Variants in PRPF6 observed in about 807,000 individuals in gnomAD.
PRPF6 encodes the protein pre-mRNA-processing factor 6.
PRPF6 carries 42 observed loss-of-function variants against 118.3 expected under a neutral mutation model. That is an observed-to-expected ratio of 0.35 (90% confidence interval 0.28 to 0.46). PRPF6 has a LOEUF of 0.46. PRPF6 is among the 20% of genes least tolerant of loss of function. The pLI is 1.00. For synonymous variants in PRPF6, 481 were observed against 485.1 expected, an observed-to-expected ratio of 0.99 and a Z score of 0.11; for missense variants, 662 against 1,255.7, an observed-to-expected ratio of 0.53 and a Z score of 7.15.
chr20:64,001,263 C>T, intron 9 of PRPF6, 24 bp downstream of exon 9: 2 of 1,614,024 alleles, frequency 1.2e-6, no homozygotes, highest in Non-Finnish European at 1.7e-6. Flanking sequence ...GGAGGTGCTG[C>T]TTTCTCCCTC....
intron 19 of PRPF6, among the ~76,000 whole-genome samples, chr20:64,030,622 TG>T (rs2059310368): frequency 6.6e-6 from 1 of 152,084 alleles, no homozygotes; most frequent in Non-Finnish European, 1.5e-5. Context: ...CCTCCCAGAG[TG>T]ACTTCTGGGT....
intron 11 of PRPF6, among the ~76,000 whole-genome samples, chr20:64,014,845 G>A (rs1256243218): frequency 1.3e-5 from 2 of 152,144 alleles, no homozygotes; most frequent in African/African-American, 2.4e-5. Flanking sequence ...TACGATGAAA[G>A]TGAAAAACAG....
Position 64,029,585 on chromosome 20 carries a change from G to A in PRPF6, c.2546+94G>A. On this transcript the variant is annotated intron_variant, in intron 19 of 20. Coordinates refer to ENST00000266079, the MANE Select transcript of PRPF6 (RefSeq NM_012469.4). This position sits in a 1 kb window ranked among gnomAD's most constrained non-coding sequence, Gnocchi z 4.8. ...GCCTCTTCCTGGTCATTGTAAAGAT[G>A]CCCGGCAGCAGGGTGGGCTTCCCCG... The A allele has an allele frequency of 8.7e-7, 1 of 1,148,014 alleles. No individual in the cohort carries two copies. 71.1% of individuals were successfully genotyped at this position (1,148,014 alleles called of 1,614,324 possible). A position where few individuals can be genotyped will look rare whatever the true frequency, so the allele number is the denominator to read the frequency against.
chr20:64,027,051 G>A lies in PRPF6; in HGVS notation c.2098G>A (p.Glu700Lys). 2 of 1,614,084 alleles carry A rather than the reference G, an allele frequency of 1.2e-6. No homozygotes were observed. Among genetic ancestry groups the A allele is most frequent in the Non-Finnish European group, 1.7e-6 (2 of 1,180,028 alleles). The change falls in exon 16 of 21, where the codon GAG becomes AAG. Residue 700 changes from glutamate (E) to lysine (K), a missense_variant. Around this residue, in one of 10 missense-constraint regions of PRPF6, gnomAD observed 244 missense variants for 383.7 expected, o/e 0.64. Transcript: ENST00000266079. The surrounding 1 kb of genome is among the most constrained non-coding windows in gnomAD (Gnocchi z 6.5). ...NIRAAQDLCEEALRHYEDFPK... is the reference protein window; with the variant it reads ...NIRAAQDLCEKALRHYEDFPK... ...CAGGGCAGCCCAAGATCTGTGCGAG[G>A]AGGCCCTGCGGCACTATGAGGACTT...
chr20:64,029,286 AG>A lies in PRPF6; in HGVS notation c.2432-89del, dbSNP rs1385182726. On this transcript the variant is annotated intron_variant, in intron 18 of 20. Coordinates refer to ENST00000266079, the MANE Select transcript of PRPF6 (RefSeq NM_012469.4). The surrounding 1 kb of genome is among the most constrained non-coding windows in gnomAD (Gnocchi z 4.8). ...TGTGGGAGGCCCCTGTCGTGGTCTG[AG>A]GACGTCCCGGGTTAGAATCTGTAGG... 8.6e-7 allele frequency: 1 copy of A among 1,156,148 alleles called. No individual in the cohort carries two copies. The highest frequency in any genetic ancestry group is 1.5e-5 in the African/African-American group (1 of 66,068). 71.6% of individuals were successfully genotyped at this position (1,156,148 alleles called of 1,614,324 possible). A position where few individuals can be genotyped will look rare whatever the true frequency, so the allele number is the denominator to read the frequency against.
In PRPF6 at chr20:64,026,734, A is replaced by T. The variant is rs1176914679; in HGVS notation, c.2029-248A>T. Among the ~76,000 whole-genome samples, 3 of 152,050 alleles carry T rather than the reference A, an allele frequency of 2.0e-5. No homozygotes were observed. The highest frequency in any genetic ancestry group is 7.2e-5 in the African/African-American group (3 of 41,396). On this transcript the variant is annotated intron_variant, in intron 15 of 20. Transcript: ENST00000266079. The surrounding 1 kb of genome is among the most constrained non-coding windows in gnomAD (Gnocchi z 4.4). ...AGAATGGTGTGAACCCAGCAGGTGGAGCTTGCAGTGAGCCGAGATCGTGCC... is the reference window on the plus strand; with the variant it reads ...AGAATGGTGTGAACCCAGCAGGTGGTGCTTGCAGTGAGCCGAGATCGTGCC...
chr20:64,031,772 C>T (rs1310720831), intron 19 of PRPF6, 146 bp from the exon 20 acceptor site: 7 of 1,053,612 alleles, frequency 6.6e-6, no homozygotes, highest in East Asian at 4.7e-5. Flanking sequence ...TCTGGATCAG[C>T]CGAGGCCCTG....
At chr20:64,025,329 C>T (rs2059284248) in intron 14 of PRPF6, among the ~76,000 whole-genome samples, 1 of 152,136 alleles carries the variant, frequency 6.6e-6, no homozygotes, top group Admixed American at 6.5e-5. Context: ...GGCTTCCTTC[C>T]ACCCGCTCTC....
At position 64,033,082 on chromosome 20, in the gene PRPF6, T is replaced by C. The variant is rs2059323151; in HGVS notation, c.*89T>C. On this transcript the variant is annotated 3_prime_UTR_variant, in exon 21 of 21. Transcript: ENST00000266079. ...GCTGTGTCCTCCTTCATTAAAAGTTTTTATGTCTCGTGTCAGAACAGGCAG... is the reference window on the plus strand; with the variant it reads ...GCTGTGTCCTCCTTCATTAAAAGTTCTTATGTCTCGTGTCAGAACAGGCAG... 6.3e-6 allele frequency: 10 copies of C among 1,577,746 alleles called. No individual in the cohort carries two copies.
intron 3 of PRPF6, among the ~76,000 whole-genome samples, chr20:63,988,083 A>T (rs1454471694): frequency 6.6e-6 from 1 of 151,464 alleles, no homozygotes; most frequent in Non-Finnish European, 1.5e-5. Flanking sequence ...ACCTTGGGAG[A>T]GTGAGGTGGG....
chr20:64,013,184 C>G (rs1025538232), intron 11 of PRPF6, among the ~76,000 whole-genome samples: 1 of 151,982 alleles, frequency 6.6e-6, no homozygotes, highest in Non-Finnish European at 1.5e-5. Flanking sequence ...AGGTTGGTCT[C>G]GAACTCCTGA....
intron 10 of PRPF6, 56 bp downstream of exon 10, chr20:64,010,374 A>T: frequency 7.3e-7 from 1 of 1,367,734 alleles, no homozygotes; most frequent in Non-Finnish European, 1.0e-6. Flanking sequence ...GCCTGAGCCC[A>T]GGTTCAGTGT....
At chr20:64,009,989 C>T (rs2059208605) in intron 9 of PRPF6, among the ~76,000 whole-genome samples, 2 of 152,180 alleles carry the variant, frequency 1.3e-5, no homozygotes, top group Admixed American at 6.5e-5. Context: ...TCTTCAGTCA[C>T]TTCCTTGCTT....
chr20:64,025,136 A>C (rs992304039), intron 14 of PRPF6, among the ~76,000 whole-genome samples: 4 of 152,186 alleles, frequency 2.6e-5, no homozygotes, highest in Non-Finnish European at 5.9e-5. Context: ...ATAGAATGCT[A>C]TATAAAAGTC....
chr20:64,015,195 G>A (rs2059231583), intron 11 of PRPF6, among the ~76,000 whole-genome samples: 1 of 152,210 alleles, frequency 6.6e-6, no homozygotes, highest in Admixed American at 6.5e-5. Flanking sequence ...GACTTTTGCC[G>A]TGGTTCAAAA....
Position 64,028,659 on chromosome 20 carries a change from C to T in PRPF6, c.2431+90C>T. The T allele has an allele frequency of 7.0e-7, 1 of 1,425,224 alleles. No homozygotes were observed. Among genetic ancestry groups the T allele is most frequent in the Non-Finnish European group, 9.7e-7 (1 of 1,033,662 alleles). The allele number at this position is 1,425,224 out of a possible 1,614,324, so 88.3% of individuals were successfully genotyped here. ...CGGTAAGGGGGTGCTTCCTGGCTTC[C>T]CAGACTCCGCAGGGCTGGCACTTCC... On this transcript the variant is annotated intron_variant, in intron 18 of 20. Transcript: ENST00000266079. This position sits in a 1 kb window ranked among gnomAD's most constrained non-coding sequence, Gnocchi z 6.5.
rs183906019 is a variant in PRPF6 at position 63,989,299 on chromosome 20, A to G, written c.360-4108A>G. Among the ~76,000 whole-genome samples, 19 of 152,334 alleles carry G rather than the reference A, an allele frequency of 1.2e-4. No individual in the cohort carries two copies. The East Asian group carries it at 3.7e-3, about 29-fold the overall frequency. On this transcript the variant is annotated intron_variant, in intron 3 of 20. Transcript: ENST00000266079. ...GAAGAAAACATTGGAGAAACTCTAC[A>G]GGACATTGGACTAGGCAAAGATTTC...
chr20:64,005,440 CA>C (rs918684923), intron 9 of PRPF6, among the ~76,000 whole-genome samples: 5 of 152,162 alleles, frequency 3.3e-5, no homozygotes, highest in African/African-American at 1.2e-4. Flanking sequence ...TGAGAGCGCA[CA>C]GGAAAAACAA....
intron 9 of PRPF6, among the ~76,000 whole-genome samples, chr20:64,005,712 A>T (rs952106627): frequency 5.3e-5 from 8 of 152,174 alleles, no homozygotes; most frequent in Non-Finnish European, 1.0e-4. Flanking sequence ...AGTAGCTGGG[A>T]CCATAGGTAC....
Sources: allele counts gnomAD v4.1 joint callset (sites outside exome capture counted in the v4.1 genomes callset), GRCh38; gene constraint gnomAD v4.1.1; regional missense constraint gnomAD v4.1.1; non-coding constraint Gnocchi (gnomAD v3.1); transcripts MANE v1.5; gene names NCBI Gene and HGNC (gene_info 2026-07-23, HGNC 2026-07-21).